VWF: variants seen among roughly 807,000 people sequenced by gnomAD.
VWF encodes Factor VIII related antigen.
VWF carries 176 observed loss-of-function variants against 308.6 expected under a neutral mutation model. That is an observed-to-expected ratio of 0.57 (90% CI 0.50 to 0.65). The LOEUF (loss-of-function observed/expected upper bound fraction) is 0.65, where lower values mean the gene tolerates loss of function less well. VWF is among the 30% of genes least tolerant of loss of function. The pLI, the probability that VWF is intolerant of heterozygous loss-of-function variation, is 0.00. For synonymous variants in VWF, 1,385 were observed against 1,443.4 expected, an observed-to-expected ratio of 0.96 and a Z score of 0.92; for missense variants, 3,146 against 3,648.2, an observed-to-expected ratio of 0.86 and a Z score of 3.55.
chr12:5,979,500 C>A lies in VWF; in HGVS notation c.7287+2286G>T, dbSNP rs190069766. Reference sequence around the variant, plus strand: ...GGCATGGTGGCTGACGCCTGTAATCCCAGCACTTTGGGAGGTCGAGGCGGG... The same window carrying A: ...GGCATGGTGGCTGACGCCTGTAATCACAGCACTTTGGGAGGTCGAGGCGGG... On this transcript the variant is annotated intron_variant, in intron 42 of 51. Transcript: ENST00000261405. Among the ~76,000 whole-genome samples the A allele has an allele frequency of 1.3e-3, 202 of 152,312 alleles. 2 individuals carry two copies. The highest frequency in any genetic ancestry group is 6.8e-3 in the Middle Eastern group (2 of 292).
intron 47 of VWF, among the ~76,000 whole-genome samples, chr12:5,964,025 G>A (rs1285241527): frequency 2.0e-5 from 3 of 152,080 alleles, no homozygotes; most frequent in East Asian, 1.9e-4. Flanking sequence ...GGTTAACACG[G>A]TGAAACCCCG....
At position 6,019,277 on chromosome 12, in the gene VWF, T is replaced by C. The variant is rs216311; in HGVS notation, c.4141A>G (p.Thr1381Ala). The C allele has an allele frequency of 0.64, 1,040,536 of 1,613,522 alleles. 341,016 individuals carry two copies. Among genetic ancestry groups the C allele is most frequent in the African/African-American group, 0.9 (67,313 of 74,942 alleles). ...KIDRPEASRI[T>A]LLLMASQEPQ... Reference sequence around the variant, plus strand: ...TCCTGGCTGGCCATCAGGAGCAGGGTGATGCGGGAGGCTTCAGGGCGGTCG... The same window carrying C: ...TCCTGGCTGGCCATCAGGAGCAGGGCGATGCGGGAGGCTTCAGGGCGGTCG... The change falls in exon 28 of 52, where the codon ACC becomes GCC. Residue 1381 changes from threonine (T) to alanine (A), a missense_variant. Thr to Ala is a moderately conservative substitution (Grantham distance 58, BLOSUM62 0). Around this residue, in one of 3 missense-constraint regions of VWF, gnomAD observed 853 missense variants for 1,177.8 expected, o/e 0.72. Transcript: ENST00000261405. This position sits in a 1 kb window ranked among gnomAD's most constrained non-coding sequence, Gnocchi z 5.8.
chr12:6,047,160 C>G (rs1445352145), intron 16 of VWF, among the ~76,000 whole-genome samples: 2 of 152,152 alleles, frequency 1.3e-5, no homozygotes, highest in East Asian at 3.8e-4. Context: ...ACTGCCTGGC[C>G]TTTCAATATC....
In VWF at chr12:5,992,004, G is replaced by A. The variant is rs756142336; in HGVS notation, c.6613C>T (p.Pro2205Ser). The change falls in exon 38 of 52, where the codon CCA becomes TCA. Residue 2205 changes from proline (P) to serine (S), a missense_variant. Physicochemically the swap from Pro to Ser is moderately conservative, Grantham distance 74. Transcript: ENST00000261405. Reference sequence around the variant, plus strand: ...TCACAGTGGTTGTAGACCAGAGATGGTGGGCATGACATAGCTGTAGACAGA... The same window carrying A: ...TCACAGTGGTTGTAGACCAGAGATGATGGGCATGACATAGCTGTAGACAGA... ...TPDFCAMSCP[P>S]SLVYNHCEHG... 1.1e-5 allele frequency: 18 copies of A among 1,614,172 alleles called. No homozygotes were observed. The highest frequency in any genetic ancestry group is 1.5e-5 in the Non-Finnish European group (18 of 1,180,024).
At chr12:6,003,697 G>C (rs185738206) in intron 34 of VWF, among the ~76,000 whole-genome samples, 211 of 152,060 alleles carry the variant, frequency 1.4e-3, no homozygotes, top group Non-Finnish European at 2.1e-3. Flanking sequence ...CTGGAGGAAG[G>C]GGGAAATGGG....
chr12:6,016,250 A>G lies in VWF; in HGVS notation c.5312-18T>C. 6.2e-7 allele frequency: 1 copy of G among 1,614,198 alleles called. No homozygotes were observed. The highest frequency in any genetic ancestry group is 8.5e-7 in the Non-Finnish European group (1 of 1,180,046). On this transcript the variant is annotated intron_variant, in intron 30 of 51. Coordinates refer to ENST00000261405, the MANE Select transcript of VWF (RefSeq NM_000552.5). Reference sequence around the variant, plus strand: ...GGCATCCCCTGAGGATGGAGAACAGATCACGCCAAGTCAGTACTGACTGCG... The same window carrying G: ...GGCATCCCCTGAGGATGGAGAACAGGTCACGCCAAGTCAGTACTGACTGCG...
chr12:6,003,602 G>C (rs1943895616), intron 34 of VWF, among the ~76,000 whole-genome samples: 1 of 151,988 alleles, frequency 6.6e-6, no homozygotes, highest in Non-Finnish European at 1.5e-5. Context: ...AGTCGCAATA[G>C]GAAAAATGCA....
rs1270086691 is a variant in VWF at position 6,012,090 on chromosome 12, C to T, written c.5661G>A (p.Lys1887=). The part of the protein sequence containing the change: ...RICMDEDGNE[K]RPGDVWTLPD... ...AAGTCAACAGAAAGGAACTTACCCT[C>T]TTCTCATTCCCATCCTCATCCATGC... Residue 1887 remains lysine, a synonymous_variant, in exon 33 of 52, where the codon AAG becomes AAA. Coordinates refer to ENST00000261405, the MANE Select transcript of VWF (RefSeq NM_000552.5). 1 of 1,614,136 alleles carries T rather than the reference C, an allele frequency of 6.2e-7. No homozygotes were observed. Among genetic ancestry groups the T allele is most frequent in the Non-Finnish European group, 8.5e-7 (1 of 1,179,952 alleles).
At chr12:6,057,587 C>T (rs1944599956) in intron 14 of VWF, among the ~76,000 whole-genome samples, 1 of 146,372 alleles carries the variant, frequency 6.8e-6, no homozygotes, top group African/African-American at 2.5e-5. Flanking sequence ...TGCCCTCAAG[C>T]GATCCTCCCG....
At chr12:5,978,973 T>A (rs1202130150) in intron 42 of VWF, among the ~76,000 whole-genome samples, 1 of 152,100 alleles carries the variant, frequency 6.6e-6, no homozygotes, top group Admixed American at 6.5e-5. Context: ...GCCAACAGGC[T>A]CCAGAGCCAA....
chr12:6,027,844 A>T (rs1173476888), intron 22 of VWF, among the ~76,000 whole-genome samples: 1 of 74,954 alleles, frequency 1.3e-5, no homozygotes. Context: ...TACATGGAAG[A>T]CACATACACA....
In VWF at chr12:6,029,409, C is replaced by T. The variant is rs141087261; in HGVS notation, c.2900G>A (p.Gly967Asp). 2,262 of 1,614,132 alleles carry T rather than the reference C, an allele frequency of 1.4e-3. 35 individuals carry two copies. In the African/African-American group the frequency reaches 0.026, roughly 19 times the overall value. Residue 967 changes from glycine to aspartate, a missense_variant, in exon 22 of 52, where the codon GGC (glycine) becomes GAC (aspartate). By Grantham distance (94) the Gly-to-Asp change is moderately conservative. This residue lies in a region of VWF where 1,304 missense variants were observed against 1,353.0 expected (regional missense o/e 0.96). Coordinates refer to ENST00000261405, the MANE Select transcript of VWF (RefSeq NM_000552.5). ...ESGRYIILLL[G>D]KALSVVWDRH... ...GTCCCAGACCACGGAGAGGGCTTTG[C>T]CCAGCAGCAGAATGATGTACCGGCC...
At chr12:6,049,600 G>C (rs1944485534) in intron 16 of VWF, among the ~76,000 whole-genome samples, 1 of 152,214 alleles carries the variant, frequency 6.6e-6, no homozygotes, top group Non-Finnish European at 1.5e-5. Flanking sequence ...GAGAGTTCAA[G>C]AATCCCTGGG....
At position 6,058,590 on chromosome 12, in the gene VWF, C is replaced by G. The variant is rs116060783; in HGVS notation, c.1534-546G>C. On this transcript the variant is annotated intron_variant, in intron 13 of 51. Transcript: ENST00000261405. The surrounding 1 kb of genome is among the most constrained non-coding windows in gnomAD (Gnocchi z 4.9). ...AGCTCACGGTTAATGACAAGAAACA[C>G]CTCCCCACAACCTGCTGCCTGCCAC... 0.022 allele frequency among the ~76,000 whole-genome samples: 3,279 copies of G among 152,256 alleles called. 114 individuals carry two copies. The highest frequency in any genetic ancestry group is 0.074 in the African/African-American group (3,087 of 41,530).
intron 50 of VWF, among the ~76,000 whole-genome samples, 187 bp downstream of exon 50, chr12:5,951,657 G>T (rs1943191902): frequency 6.6e-6 from 1 of 152,152 alleles, no homozygotes; most frequent in Non-Finnish European, 1.5e-5. Flanking sequence ...ATCCAAGGAG[G>T]GGAGGCTGCT....
rs2136418333 is a variant in VWF at position 6,023,650 on chromosome 12, C to T, written c.3360G>A (p.Trp1120Ter). The T allele has an allele frequency of 6.2e-7, 1 of 1,613,898 alleles. No individual in the cohort carries two copies. Among genetic ancestry groups the T allele is most frequent in the Non-Finnish European group, 8.5e-7 (1 of 1,180,012 alleles). ...VCAQHGKVVT[W>*]RTATLCPQSC... ...ACTCACGGCACAATGTGGCCGTCCT[C>T]CAGGTCACCACCTTGCCATGCTGGG... The change falls in exon 25 of 52, where the codon TGG (tryptophan) becomes TGA (stop). Residue 1120 changes from tryptophan (W) to a stop codon, truncating the protein, a stop_gained. Transcript: ENST00000261405. LOFTEE classifies it high-confidence loss of function.
chr12:5,949,606 G>A (rs1943156013), intron 51 of VWF, among the ~76,000 whole-genome samples, 180 bp downstream of exon 51: 1 of 151,426 alleles, frequency 6.6e-6, no homozygotes, highest in Non-Finnish European at 1.5e-5. Context: ...TTTTTTTCCT[G>A]GAGTCAAAAA....
chr12:5,967,076 G>A (rs913546074), intron 47 of VWF, among the ~76,000 whole-genome samples: 2 of 152,222 alleles, frequency 1.3e-5, no homozygotes, highest in Non-Finnish European at 2.9e-5. Context: ...TTGTATACAC[G>A]AGGCACATCC....
At chr12:6,116,099 G>A (rs1247967445) in intron 3 of VWF, among the ~76,000 whole-genome samples, 2 of 152,142 alleles carry the variant, frequency 1.3e-5, no homozygotes, top group Non-Finnish European at 2.9e-5. Context: ...GCAGCCATTA[G>A]GAAAACGAGC....
Sources: allele counts gnomAD v4.1 joint callset (sites outside exome capture counted in the v4.1 genomes callset), GRCh38; gene constraint gnomAD v4.1.1; regional missense constraint gnomAD v4.1.1; non-coding constraint Gnocchi (gnomAD v3.1); transcripts MANE v1.5; gene names NCBI Gene and HGNC (gene_info 2026-07-23, HGNC 2026-07-21).